The following KIF26B variants were observed in gnomAD, a reference collection of about 807,000 sequenced individuals.
KIF26B encodes the protein kinesin-like protein KIF26B.
KIF26B carries 63 observed loss-of-function variants against 151.2 expected under a neutral mutation model. That is an observed-to-expected ratio of 0.42 (90% CI 0.34 to 0.51). KIF26B has a LOEUF of 0.51. Among genes scored for constraint, KIF26B ranks in the 20% least tolerant of loss-of-function variants. The probability of loss-of-function intolerance (pLI) is 0.07; values close to 1 mark genes in which losing one functional copy is unlikely to be tolerated. For missense variants in KIF26B, 2,813 were observed against 2,913.6 expected (o/e 0.97, Z 0.79); for synonymous variants, 1,357 against 1,262.1 (o/e 1.08, Z -1.59).
At chr1:245,654,318 A>AG (rs148057078) in intron 10 of KIF26B, among the ~76,000 whole-genome samples, 15,058 of 152,030 alleles carry the variant, frequency 0.099, 831 homozygotes, top group Middle Eastern at 0.13. Flanking sequence ...AGGGGTGGGG[A>AG]GGGGGCAAAA....
At chr1:245,648,612 A>AAC (rs902253551) in intron 10 of KIF26B, among the ~76,000 whole-genome samples, 4 of 151,618 alleles carry the variant, frequency 2.6e-5, no homozygotes, top group Non-Finnish European at 5.9e-5. Flanking sequence ...CAGCCTGGGC[A>AAC]ACAGAGTGAG....
chr1:245,202,981 G>T (rs1007360156), intron 2 of KIF26B, among the ~76,000 whole-genome samples: 20 of 150,876 alleles, frequency 1.3e-4, no homozygotes, highest in Admixed American at 1.1e-3. Context: ...AAGGCCGGGC[G>T]CGGTGGCTCA....
intron 4 of KIF26B, among the ~76,000 whole-genome samples, chr1:245,485,200 G>A (rs1372845293): frequency 1.3e-5 from 2 of 152,108 alleles, no homozygotes; most frequent in Non-Finnish European, 2.9e-5. Flanking sequence ...GATTACCAGG[G>A]GATGTGGGGA....
At chr1:245,180,570 T>C (rs1668888233) in intron 2 of KIF26B, among the ~76,000 whole-genome samples, 1 of 152,214 alleles carries the variant, frequency 6.6e-6, no homozygotes, top group Non-Finnish European at 1.5e-5. Flanking sequence ...TCCTGAACTG[T>C]GACCTTGACT....
intron 4 of KIF26B, among the ~76,000 whole-genome samples, chr1:245,501,697 T>G (rs188099057): frequency 6.2e-4 from 95 of 152,344 alleles, no homozygotes; most frequent in African/African-American, 2.2e-3. Context: ...ACTGAAAGTG[T>G]AAACAAATGC....
intron 2 of KIF26B, among the ~76,000 whole-genome samples, chr1:245,280,024 C>G (rs571572146): frequency 1.8e-4 from 27 of 151,918 alleles, no homozygotes; most frequent in African/African-American, 5.8e-4. Context: ...GTTTACAGTA[C>G]CATTTGGAGT....
chr1:245,302,849 C>T (rs552057933), intron 2 of KIF26B, among the ~76,000 whole-genome samples: 10 of 151,678 alleles, frequency 6.6e-5, no homozygotes, highest in South Asian at 4.2e-4. Context: ...ATTAGCTGGG[C>T]GTGGTGGCGG....
chr1:245,694,045 G>T (rs1407425373), intron 12 of KIF26B, among the ~76,000 whole-genome samples: 1 of 152,242 alleles, frequency 6.6e-6, no homozygotes, highest in Non-Finnish European at 1.5e-5. Context: ...CGCTGATGCT[G>T]TGAGATGACA....
rs138271333 is a variant in KIF26B at position 245,564,492 on chromosome 1, G to T, written c.1350+23542G>T. On this transcript the variant is annotated intron_variant, in intron 5 of 14. Transcript: ENST00000407071. The surrounding 1 kb of genome is among the most constrained non-coding windows in gnomAD (Gnocchi z 4.6). The stretch of plus-strand genomic sequence containing the variant: ...GGTGGGGAGGGACAGCATCGCCTCA[G>T]TGAAAGTTTTGGGTTAAACACTGTC... 1.2e-3 allele frequency among the ~76,000 whole-genome samples: 184 copies of T among 152,304 alleles called. 1 individual carries two copies. In the South Asian group the frequency reaches 0.025, roughly 21 times the overall value.
chr1:245,485,131 A>G (rs749492081), intron 4 of KIF26B, among the ~76,000 whole-genome samples: 13 of 152,190 alleles, frequency 8.5e-5, no homozygotes, highest in Admixed American at 1.3e-4. Context: ...GGCCAATAAT[A>G]TATAAATCCA....
Position 245,358,176 on chromosome 1 carries a change from A to G in KIF26B, c.466-8658A>G, listed in dbSNP as rs1301012993. 6.6e-6 allele frequency among the ~76,000 whole-genome samples: 1 copy of G among 152,176 alleles called. No homozygotes were observed. The highest frequency in any genetic ancestry group is 6.5e-5 in the Admixed American group (1 of 15,274). Reference sequence around the variant, plus strand: ...CACCTCAGTTTCCCAAAGTGTGGGGATTACAGGCGTGAGCCACCATACCCT... The same window carrying G: ...CACCTCAGTTTCCCAAAGTGTGGGGGTTACAGGCGTGAGCCACCATACCCT... On this transcript the variant is annotated intron_variant, in intron 2 of 14. Transcript: ENST00000407071. The surrounding 1 kb of genome is among the most constrained non-coding windows in gnomAD (Gnocchi z 4.1).
intron 2 of KIF26B, among the ~76,000 whole-genome samples, chr1:245,163,401 C>T (rs1668563935): frequency 6.6e-6 from 1 of 152,212 alleles, no homozygotes; most frequent in African/African-American, 2.4e-5. Context: ...CTTGGCCTCC[C>T]AAAGTGCTGG....
In KIF26B at chr1:245,702,675, C is replaced by G; in HGVS notation, c.*69C>G. 6.6e-7 allele frequency: 1 copy of G among 1,523,324 alleles called. No homozygotes were observed. Among genetic ancestry groups the G allele is most frequent in the South Asian group, 1.2e-5 (1 of 81,116 alleles). The allele number at this position is 1,523,324 out of a possible 1,614,324, so 94.4% of individuals were successfully genotyped here. A position where few individuals can be genotyped will look rare whatever the true frequency, so the allele number is the denominator to read the frequency against. ...TTCAGAGATGTTGCACGCCCCTAGG[C>G]CCTCTGTGCTGGGGCATCAAAGACA... is the stretch of plus-strand genomic sequence containing the variant. On this transcript the variant is annotated 3_prime_UTR_variant, in exon 15 of 15. Transcript: ENST00000407071. The surrounding 1 kb of genome is among the most constrained non-coding windows in gnomAD (Gnocchi z 4.1).
At chr1:245,269,887 A>T (rs548018348) in intron 2 of KIF26B, among the ~76,000 whole-genome samples, 1 of 152,180 alleles carries the variant, frequency 6.6e-6, no homozygotes, top group Non-Finnish European at 1.5e-5. Context: ...TGCTATCGTG[A>T]ACAGTGATGC....
intron 2 of KIF26B, among the ~76,000 whole-genome samples, chr1:245,292,114 A>G (rs1377662077): frequency 1.3e-5 from 2 of 152,214 alleles, no homozygotes; most frequent in Non-Finnish European, 2.9e-5. Flanking sequence ...AATTCCTTCC[A>G]TTCTCCACCA....
chr1:245,622,781 C>G (rs2043678244), intron 9 of KIF26B, among the ~76,000 whole-genome samples: 2 of 152,132 alleles, frequency 1.3e-5, no homozygotes, highest in South Asian at 4.1e-4. Flanking sequence ...GATCCAGAGG[C>G]CTGGAGGAGC....
In KIF26B at chr1:245,597,018, G is replaced by T. The variant is rs2043341894; in HGVS notation, c.1351-5559G>T. On this transcript the variant is annotated intron_variant, in intron 5 of 14. Transcript: ENST00000407071. This position sits in a 1 kb window ranked among gnomAD's most constrained non-coding sequence, Gnocchi z 4.6. ...ATCTTCCTCCATCCCTTTATTTTGA[G>T]GCTATGTGTGACTCAGATGGGTCTC... Among the ~76,000 whole-genome samples the T allele has an allele frequency of 6.6e-6, 1 of 152,138 alleles. No individual in the cohort carries two copies. Among genetic ancestry groups the T allele is most frequent in the East Asian group, 1.9e-4 (1 of 5,182 alleles).
chr1:245,281,161 A>T (rs1671042065), intron 2 of KIF26B, among the ~76,000 whole-genome samples: 1 of 51,326 alleles, frequency 1.9e-5, no homozygotes. Context: ...CCAGTTCTAG[A>T]TCCCTGAGGA....
At chr1:245,654,541 A>G (rs1447689640) in intron 10 of KIF26B, among the ~76,000 whole-genome samples, 1 of 152,144 alleles carries the variant, frequency 6.6e-6, no homozygotes, top group African/African-American at 2.4e-5. Flanking sequence ...AAATATAGCT[A>G]TAATCTTTCT....
Sources: gnomAD v4.1 joint callset for allele counts (sites outside exome capture counted in the v4.1 genomes callset) on GRCh38, gnomAD v4.1.1 for gene constraint, Gnocchi (gnomAD v3.1) non-coding constraint, MANE v1.5 for transcripts, NCBI Gene and HGNC (gene_info 2026-07-23, HGNC 2026-07-21) for gene names.